The following EXOC4 variants were observed in gnomAD, a reference collection of about 807,000 sequenced individuals.
EXOC4 encodes the protein exocyst complex component 4.
A neutral mutation model predicts 107.2 loss-of-function variants in EXOC4; 71 were observed. That is an observed-to-expected ratio of 0.66 (90% CI 0.55 to 0.81). EXOC4 has a LOEUF of 0.81. Ranked by LOEUF, EXOC4 falls within the 30% of genes least tolerant of loss-of-function variation. The pLI is 0.00. For synonymous variants in EXOC4, 456 were observed against 441.2 expected (o/e 1.03, Z -0.42); for missense variants, 1,108 against 1,189.6 (o/e 0.93, Z 1.01).
At chr7:133,617,084 T>C (rs1266296914) in intron 9 of EXOC4, among the ~76,000 whole-genome samples, 2 of 152,300 alleles carry the variant, frequency 1.3e-5, no homozygotes, top group African/African-American at 4.8e-5. Context: ...GATTTTGTTA[T>C]TTATAAATTG....
intron 9 of EXOC4, among the ~76,000 whole-genome samples, chr7:133,482,333 C>T (rs1467818342): frequency 6.6e-6 from 1 of 152,106 alleles, no homozygotes; most frequent in African/African-American, 2.4e-5. Context: ...CCATTTGACC[C>T]TTCTAGTGAA....
At chr7:133,349,244 C>A (rs1795855287) in intron 5 of EXOC4, among the ~76,000 whole-genome samples, 1 of 151,988 alleles carries the variant, frequency 6.6e-6, no homozygotes, top group Non-Finnish European at 1.5e-5. Context: ...CAACCATCAC[C>A]ACCATCTATT....
At chr7:134,084,544 G>A in the EXOC4 span, among the ~76,000 whole-genome samples, 1 of 152,002 alleles carries the variant, frequency 6.6e-6, no homozygotes, top group African/African-American at 2.4e-5. Context: ...GCTGACATTG[G>A]GACTCCCCTT....
At chr7:133,931,976 T>C (rs888820800) in intron 13 of EXOC4, among the ~76,000 whole-genome samples, 2 of 152,314 alleles carry the variant, frequency 1.3e-5, no homozygotes, top group East Asian at 1.9e-4. Context: ...TGCTCAGCCT[T>C]AAGAACACAG....
rs150708183 is a variant in EXOC4, at chr7:133,804,237, A to G, written c.1515-13088A>G. Among the ~76,000 whole-genome samples the G allele has an allele frequency of 9.9e-4, 150 of 152,274 alleles. 1 individual carries two copies. The highest frequency in any genetic ancestry group is 3.5e-3 in the African/African-American group (146 of 41,562). ...AGAAAGATACCAACAGTGATATGAG[A>G]TTATCCTGGCTTACCTGAATTAATG... is the stretch of plus-strand genomic sequence containing the variant. On this transcript the variant is annotated intron_variant, in intron 10 of 17. Transcript: ENST00000253861.
Position 133,725,655 on chromosome 7 carries a change from C to T in EXOC4, c.1515-91670C>T, listed in dbSNP as rs537058690. Among the ~76,000 whole-genome samples the T allele has an allele frequency of 2.4e-4, 37 of 152,260 alleles. No homozygotes were observed. In the South Asian group the frequency reaches 6.2e-3, roughly 26 times the overall value. ...CCGTCCAAAGTGCTGGGATTACAGG[C>T]GTGAACCACTGTGTCTGGCCAGGGT... On this transcript the variant is annotated intron_variant, in intron 10 of 17. Transcript: ENST00000253861.
intron 10 of EXOC4, among the ~76,000 whole-genome samples, chr7:133,712,747 T>C (rs1794922048): frequency 6.6e-6 from 1 of 152,124 alleles, no homozygotes; most frequent in Non-Finnish European, 1.5e-5. Flanking sequence ...TAATGGTATA[T>C]CCATATAGTG....
chr7:133,473,764 G>A (rs934244333), intron 7 of EXOC4, among the ~76,000 whole-genome samples: 6 of 151,546 alleles, frequency 4.0e-5, no homozygotes, highest in East Asian at 1.9e-4. Context: ...GCAGAGGCGC[G>A]ATCTCTGCTC....
chr7:133,360,995 T>C (rs976493779), intron 6 of EXOC4, among the ~76,000 whole-genome samples: 1 of 152,206 alleles, frequency 6.6e-6, no homozygotes, highest in Non-Finnish European at 1.5e-5. Context: ...AAGAGAGCAC[T>C]AGTTTGTCTT....
At chr7:133,701,909 C>G (rs1794663573) in intron 10 of EXOC4, among the ~76,000 whole-genome samples, 1 of 151,990 alleles carries the variant, frequency 6.6e-6, no homozygotes, top group South Asian at 2.1e-4. Flanking sequence ...GTGTCACTAT[C>G]TCAGCCACCC....
intron 4 of EXOC4, 122 bp from the exon 5 acceptor site, chr7:133,317,162 G>C: frequency 5.9e-6 from 4 of 677,972 alleles, no homozygotes; most frequent in Non-Finnish European, 1.1e-5. Context: ...ATACTGGGGA[G>C]ATCCAGTTCC....
chr7:133,710,839 A>G (rs1210679809), intron 10 of EXOC4, among the ~76,000 whole-genome samples: 1 of 151,518 alleles, frequency 6.6e-6, no homozygotes, highest in Non-Finnish European at 1.5e-5. Context: ...TTTTTGCCAG[A>G]TACTGTTCTT....
intron 9 of EXOC4, among the ~76,000 whole-genome samples, chr7:133,488,351 C>T (rs1218294821): frequency 6.6e-6 from 1 of 152,092 alleles, no homozygotes; most frequent in Non-Finnish European, 1.5e-5. Context: ...TTTCACAGTT[C>T]AAGGTAGACA....
At chr7:133,421,876 C>T (rs942696922) in intron 7 of EXOC4, among the ~76,000 whole-genome samples, 4 of 152,052 alleles carry the variant, frequency 2.6e-5, no homozygotes, top group Non-Finnish European at 5.9e-5. Context: ...AGCATTTTTT[C>T]AGGATACTTT....
intron 11 of EXOC4, among the ~76,000 whole-genome samples, chr7:133,850,746 A>T (rs1389648615): frequency 6.6e-6 from 1 of 152,088 alleles, no homozygotes; most frequent in Non-Finnish European, 1.5e-5. Flanking sequence ...CCATTCCAAA[A>T]GTCATTCCAC....
intron 13 of EXOC4, among the ~76,000 whole-genome samples, chr7:133,919,728 C>CT (rs1440692749): frequency 6.6e-6 from 1 of 151,976 alleles, no homozygotes; most frequent in African/African-American, 2.4e-5. Context: ...TTGCTCATTT[C>CT]TTTTTTATCT....
intron 17 of EXOC4, among the ~76,000 whole-genome samples, chr7:134,015,916 T>C (rs1794896715): frequency 6.7e-6 from 1 of 149,450 alleles, no homozygotes; most frequent in South Asian, 2.1e-4. Flanking sequence ...TTCAACAATG[T>C]ATCAGTGCTT....
rs113007764 is a variant in EXOC4, at chr7:133,386,947, G to T, written c.1182+11945G>T. On this transcript the variant is annotated intron_variant, in intron 7 of 17. Coordinates refer to ENST00000253861, the MANE Select transcript of EXOC4 (RefSeq NM_021807.4). ...TATAATGTATTGAACCCCATTATTT[G>T]GTCTATTTTAAATGTATGTATAATC... Among the ~76,000 whole-genome samples, 252 of 152,130 alleles carry T rather than the reference G, an allele frequency of 1.7e-3. 1 individual carries two copies. Among genetic ancestry groups the T allele is most frequent in the African/African-American group, 5.9e-3 (244 of 41,494 alleles).
chr7:133,490,824 C>T (rs1351534543), intron 9 of EXOC4, among the ~76,000 whole-genome samples: 2 of 152,006 alleles, frequency 1.3e-5, no homozygotes, highest in Non-Finnish European at 2.9e-5. Flanking sequence ...CAGGATTTTC[C>T]GAGTATTGTT....
Sources: gnomAD v4.1 joint callset for allele counts (sites outside exome capture counted in the v4.1 genomes callset) on GRCh38, gnomAD v4.1.1 for gene constraint, MANE v1.5 for transcripts, NCBI Gene and HGNC (gene_info 2026-07-23, HGNC 2026-07-21) for gene names.